Variants in STAG1 observed in about 807,000 individuals in gnomAD.
The protein encoded by STAG1 is cohesin subunit SA-1.
In STAG1, 26 loss-of-function variants were observed where a neutral mutation model predicts 170.9. The ratio of observed to expected loss-of-function variants is 0.15; its 90% CI spans 0.11 to 0.21. The LOEUF (loss-of-function observed/expected upper bound fraction) is 0.21. Ranked by LOEUF, STAG1 falls within the 10% of genes least tolerant of loss-of-function variation. The pLI, the probability that STAG1 is intolerant of heterozygous loss-of-function variation, is 1.00. For synonymous variants in STAG1, 514 were observed against 497.7 expected (o/e 1.03, Z -0.44); for missense variants, 964 against 1,509.5 (o/e 0.64, Z 5.99).
intron 16 of STAG1, among the ~76,000 whole-genome samples, chr3:136,430,626 T>TAA (rs11311172): frequency 7.6e-6 from 1 of 131,732 alleles, no homozygotes; most frequent in Non-Finnish European, 1.6e-5. Flanking sequence ...CTGAAGAGCT[T>TAA]AAAAAAAAAA....
At chr3:136,692,415 A>C (rs535946247) in intron 1 of STAG1, among the ~76,000 whole-genome samples, 64 of 151,512 alleles carry the variant, frequency 4.2e-4, no homozygotes, top group Non-Finnish European at 8.8e-4. Flanking sequence ...TGGGCAGATC[A>C]CCTGAGGTCA....
rs1371436664 is a variant in STAG1, at chr3:136,522,759, C to T, written c.472-1342G>A. 2.1e-5 allele frequency among the ~76,000 whole-genome samples: 3 copies of T among 146,070 alleles called. No homozygotes were observed. The Admixed American group carries it at 2.1e-4, about 10-fold the overall frequency. ...GGCAGGTCCCAGCGTGTGACGTTCC[C>T]TTCCTGTGTCCAAGTGTTCTCACTG... On this transcript the variant is annotated intron_variant, in intron 6 of 33. Transcript: ENST00000383202.
intron 1 of STAG1, among the ~76,000 whole-genome samples, chr3:136,706,259 T>TTTAA (rs1312874511): frequency 6.6e-6 from 1 of 152,130 alleles, no homozygotes; most frequent in Non-Finnish European, 1.5e-5. Flanking sequence ...AAGAAAAGAA[T>TTTAA]TTAAAGGCAT....
intron 4 of STAG1, among the ~76,000 whole-genome samples, chr3:136,597,401 G>C (rs1053834357): frequency 2.0e-5 from 3 of 152,152 alleles, no homozygotes; most frequent in Non-Finnish European, 2.9e-5. Context: ...CTCCAAAGGA[G>C]AATCTGTACA....
intron 9 of STAG1, among the ~76,000 whole-genome samples, chr3:136,488,848 G>A (rs1020874194): frequency 6.6e-6 from 1 of 152,100 alleles, no homozygotes; most frequent in Admixed American, 6.6e-5. Context: ...CCTCATAAGA[G>A]TCCTCCAAAT....
chr3:136,477,200 G>A, intron 10 of STAG1, 89 bp downstream of exon 10: 1 of 1,402,558 alleles, frequency 7.1e-7, no homozygotes, highest in Non-Finnish European at 9.5e-7. Context: ...TACAACTCCT[G>A]AAAAATCAAC....
chr3:136,579,958 ATTTTTTTTTT>A (rs749325884), intron 4 of STAG1, among the ~76,000 whole-genome samples: 28 of 73,646 alleles, frequency 3.8e-4, no homozygotes, highest in African/African-American at 1.6e-3. Context: ...TACCATCTGA[ATTTTTTTTTT>A]TTTTTTTTTT....
intron 4 of STAG1, among the ~76,000 whole-genome samples, chr3:136,591,000 T>C (rs566056547): frequency 1.5e-4 from 23 of 151,818 alleles, no homozygotes; most frequent in African/African-American, 5.5e-4. Context: ...TTTTGTTTTT[T>C]TTTGCATAAT....
At chr3:136,522,213 G>T (rs1422998777) in intron 6 of STAG1, among the ~76,000 whole-genome samples, 2 of 152,174 alleles carry the variant, frequency 1.3e-5, no homozygotes. Context: ...AGTGCTGCTA[G>T]GCAAATTTCT....
At chr3:136,723,897 C>G (rs1392574103) in intron 1 of STAG1, among the ~76,000 whole-genome samples, 1 of 146,838 alleles carries the variant, frequency 6.8e-6, no homozygotes, top group Non-Finnish European at 1.5e-5. Flanking sequence ...GTCAGCCCCC[C>G]GCCCGGCCAG....
intron 29 of STAG1, chr3:136,348,899 T>C: frequency 1.0e-5 from 5 of 477,862 alleles, no homozygotes; most frequent in Non-Finnish European, 1.9e-5. Context: ...GTATGGGGAT[T>C]GATTTTATAG....
At chr3:136,623,034 T>C in intron 3 of STAG1, 112 bp downstream of exon 3, 1 of 847,886 alleles carries the variant, frequency 1.2e-6, no homozygotes, top group Non-Finnish European at 1.8e-6. Flanking sequence ...CTCTATTGTG[T>C]CACTGAATTT....
intron 1 of STAG1, among the ~76,000 whole-genome samples, chr3:136,654,790 G>A (rs1941323179): frequency 6.6e-6 from 1 of 152,146 alleles, no homozygotes; most frequent in Non-Finnish European, 1.5e-5. Context: ...GTGTGGCACT[G>A]CCATACAAAT....
In STAG1 at chr3:136,695,208, A is replaced by G. The variant is rs138740792; in HGVS notation, c.-84+56987T>C. Among the ~76,000 whole-genome samples the G allele has an allele frequency of 1.2e-3, 180 of 152,290 alleles. 1 individual carries two copies. Among genetic ancestry groups the G allele is most frequent in the East Asian group, 0.011 (55 of 5,192 alleles). On this transcript the variant is annotated intron_variant, in intron 1 of 33. Coordinates refer to ENST00000383202, the MANE Select transcript of STAG1 (RefSeq NM_005862.3). ...TCTTTAGTATAATCAGTTTATCAAGATAAGAAGATATGTGATAGCACACCA... is the reference window on the plus strand; with the variant it reads ...TCTTTAGTATAATCAGTTTATCAAGGTAAGAAGATATGTGATAGCACACCA...
rs561860828 is a variant in STAG1 at position 136,738,289 on chromosome 3, G to A, written c.-84+13906C>T. Among the ~76,000 whole-genome samples, 9 of 150,088 alleles carry A rather than the reference G, an allele frequency of 6.0e-5. No homozygotes were observed. In the South Asian group the frequency reaches 1.9e-3, roughly 32 times the overall value. ...GCAGATCACCTGAGGTCGGGAGTTC[G>A]AGACCAGCCTGGCCAACATGGTGAA... On this transcript the variant is annotated intron_variant, in intron 1 of 33. Coordinates refer to ENST00000383202, the MANE Select transcript of STAG1 (RefSeq NM_005862.3).
intron 16 of STAG1, chr3:136,430,023 A>T (rs897383061): frequency 1.3e-5 from 2 of 152,362 alleles, no homozygotes; most frequent in Admixed American, 6.5e-5. Flanking sequence ...GGTAGGCTAT[A>T]GTAGTTAAGT....
intron 3 of STAG1, among the ~76,000 whole-genome samples, chr3:136,615,341 C>T (rs1481795583): frequency 1.3e-5 from 2 of 149,808 alleles, no homozygotes; most frequent in African/African-American, 4.9e-5. Context: ...TGAAGATACC[C>T]CACACTTTTT....
intron 4 of STAG1, among the ~76,000 whole-genome samples, chr3:136,594,034 T>G (rs1938308540): frequency 6.6e-6 from 1 of 152,234 alleles, no homozygotes; most frequent in South Asian, 2.1e-4. Flanking sequence ...TTCTTGAAAC[T>G]TTCAAGCTTC....
At chr3:136,401,029 T>C (rs1380504723) in intron 21 of STAG1, among the ~76,000 whole-genome samples, 1 of 152,308 alleles carries the variant, frequency 6.6e-6, no homozygotes, top group African/African-American at 2.4e-5. Flanking sequence ...AAAGAAGGTA[T>C]AGTTTAATAA....
Sources: gnomAD v4.1 joint callset for allele counts (sites outside exome capture counted in the v4.1 genomes callset) on GRCh38, gnomAD v4.1.1 for gene constraint, MANE v1.5 for transcripts, NCBI Gene and HGNC (gene_info 2026-07-23, HGNC 2026-07-21) for gene names.